PPP6R2: variants seen among roughly 807,000 people sequenced by gnomAD.
PPP6R2 encodes the protein protein phosphatase 6 regulatory subunit 2, also known as serine/threonine-protein phosphatase 6 regulatory subunit 2.
PPP6R2 carries 62 observed loss-of-function variants against 100.2 expected under a neutral mutation model. That is an observed-to-expected ratio of 0.62 (90% CI 0.50 to 0.76). PPP6R2 has a LOEUF of 0.76. Among genes scored for constraint, PPP6R2 ranks in the 30% least tolerant of loss-of-function variants. The pLI is 0.00. For missense variants in PPP6R2, 1,142 were observed against 1,276.3 expected (o/e 0.89, Z 1.60); for synonymous variants, 525 against 514.7 (o/e 1.02, Z -0.27).
chr22:50,436,958 C>T, intron 14 of PPP6R2, 30 bp from the exon 15 acceptor site: 1 of 1,539,056 alleles, frequency 6.5e-7, no homozygotes. Context: ...GGCTGGCTCA[C>T]ACGCCCACCC....
At position 50,398,240 on chromosome 22, in the gene PPP6R2, C is replaced by T. The variant is rs917324615; in HGVS notation, c.227+4105C>T. 5.4e-5 allele frequency among the ~76,000 whole-genome samples: 8 copies of T among 149,124 alleles called. No individual in the cohort carries two copies. In the South Asian group the frequency reaches 6.3e-4, roughly 12 times the overall value. ...AGGCTGGAGTACGGTGGTGCGATCT[C>T]GGTTCACTACAACCTCCGCGTCCCA... is the stretch of plus-strand genomic sequence containing the variant. On this transcript the variant is annotated intron_variant, in intron 3 of 23. Coordinates refer to ENST00000612753, the MANE Select transcript of PPP6R2 (RefSeq NM_001242898.2).
intron 2 of PPP6R2, among the ~76,000 whole-genome samples, chr22:50,388,424 G>A (rs2054717097): frequency 1.3e-5 from 2 of 151,224 alleles, no homozygotes; most frequent in African/African-American, 4.9e-5. Flanking sequence ...CTAAATCCTG[G>A]ACAAGGTGGC....
intron 3 of PPP6R2, 139 bp downstream of exon 3, chr22:50,394,274 G>A (rs2056260932): frequency 7.5e-7 from 1 of 1,335,578 alleles, no homozygotes; most frequent in Non-Finnish European, 1.0e-6. Flanking sequence ...GAGAAGTGAG[G>A]AGGGCACTCC....
At chr22:50,409,244 C>T (rs1242252525) in intron 4 of PPP6R2, among the ~76,000 whole-genome samples, 1 of 152,122 alleles carries the variant, frequency 6.6e-6, no homozygotes, top group African/African-American at 2.4e-5. Flanking sequence ...CCGCATTTTC[C>T]CCGCCCTTCA....
chr22:50,377,996 G>C (rs770395792), intron 2 of PPP6R2, among the ~76,000 whole-genome samples: 2 of 152,120 alleles, frequency 1.3e-5, no homozygotes, highest in Non-Finnish European at 2.9e-5. Flanking sequence ...GCAAGACTCC[G>C]TCTCAAAATA....
At chr22:50,391,730 T>C (rs2055609105) in intron 2 of PPP6R2, 1 of 151,582 alleles carries the variant, frequency 6.6e-6, no homozygotes, top group Admixed American at 6.6e-5. Flanking sequence ...GTCTCCTCTG[T>C]TTTTGTTGCT....
chr22:50,419,906 C>T (rs893971069), intron 8 of PPP6R2, among the ~76,000 whole-genome samples: 1 of 152,248 alleles, frequency 6.6e-6, no homozygotes, highest in South Asian at 2.1e-4. Flanking sequence ...CGCTGTCTCC[C>T]GTGCCCTGTG....
At chr22:50,391,444 A>AAAAG in intron 2 of PPP6R2, among the ~76,000 whole-genome samples, 1 of 151,300 alleles carries the variant, frequency 6.6e-6, no homozygotes, top group Non-Finnish European at 1.5e-5. Context: ...AAAAAAAAAA[A>AAAAG]AAAAAAAAAA....
chr22:50,436,956 C>T (rs1318084523), intron 14 of PPP6R2, 32 bp from the exon 15 acceptor site: 6 of 1,535,988 alleles, frequency 3.9e-6, no homozygotes, highest in East Asian at 2.4e-5. Context: ...TGGGCTGGCT[C>T]ACACGCCCAC....
chr22:50,438,934 G>A (rs535572155), intron 19 of PPP6R2, among the ~76,000 whole-genome samples, 172 bp downstream of exon 19: 4 of 152,318 alleles, frequency 2.6e-5, no homozygotes, highest in Admixed American at 6.5e-5. Flanking sequence ...TCTGTGCTGC[G>A]CTGTGCCCAG....
intron 2 of PPP6R2, among the ~76,000 whole-genome samples, chr22:50,374,627 C>G (rs2051027734): frequency 6.6e-6 from 1 of 152,084 alleles, no homozygotes; most frequent in East Asian, 1.9e-4. Context: ...TAGAAAAAAA[C>G]AAACCCAGCC....
At chr22:50,384,696 G>A (rs2053849582) in intron 2 of PPP6R2, among the ~76,000 whole-genome samples, 1 of 152,238 alleles carries the variant, frequency 6.6e-6, no homozygotes, top group Admixed American at 6.5e-5. Context: ...CACGTGGCAA[G>A]GGAGCTGAGT....
At chr22:50,417,449 G>T (rs985578717) in intron 6 of PPP6R2, among the ~76,000 whole-genome samples, 1 of 152,174 alleles carries the variant, frequency 6.6e-6, no homozygotes, top group African/African-American at 2.4e-5. Context: ...TGACAATGGG[G>T]CTCCCTGTGG....
the PPP6R2 span, among the ~76,000 whole-genome samples, chr22:50,334,733 A>AGTG: frequency 6.6e-6 from 1 of 152,098 alleles, no homozygotes; most frequent in African/African-American, 2.4e-5. Flanking sequence ...TGGGAGGCCA[A>AGTG]GGTGGGTGGC....
chr22:50,373,680 T>C (rs1569323626), intron 2 of PPP6R2, among the ~76,000 whole-genome samples: 1 of 152,130 alleles, frequency 6.6e-6, no homozygotes, highest in African/African-American at 2.4e-5. Flanking sequence ...GTCTCCTCAG[T>C]AGCTGGGACT....
chr22:50,400,166 C>T (rs754570056), intron 3 of PPP6R2, among the ~76,000 whole-genome samples: 14 of 152,170 alleles, frequency 9.2e-5, no homozygotes, highest in African/African-American at 1.4e-4. Flanking sequence ...TTGCTGCACT[C>T]AGGGCAGAAC....
At chr22:50,391,149 A>G (rs964144240) in intron 2 of PPP6R2, among the ~76,000 whole-genome samples, 2 of 148,842 alleles carry the variant, frequency 1.3e-5, no homozygotes, top group Admixed American at 6.7e-5. Flanking sequence ...AAATTTAAAC[A>G]TAGTCCAGGC....
intron 4 of PPP6R2, among the ~76,000 whole-genome samples, chr22:50,407,813 A>G: frequency 8.2e-6 from 1 of 122,172 alleles, no homozygotes; most frequent in East Asian, 2.5e-4. Flanking sequence ...CCACCCGCCC[A>G]TCCCTGATGG....
At chr22:50,428,718 CA>C (rs201692371) in intron 10 of PPP6R2, among the ~76,000 whole-genome samples, 3 of 143,728 alleles carry the variant, frequency 2.1e-5, no homozygotes, top group African/African-American at 5.1e-5. Flanking sequence ...GATCCTTGCT[CA>C]AAAAAAAAAT....
Sources: allele counts gnomAD v4.1 joint callset (sites outside exome capture counted in the v4.1 genomes callset), GRCh38; gene constraint gnomAD v4.1.1; transcripts MANE v1.5; gene names NCBI Gene and HGNC (gene_info 2026-07-23, HGNC 2026-07-21).